The following RGS6 variants were observed in gnomAD, a reference collection of about 807,000 sequenced individuals.
The protein encoded by RGS6 is regulator of G-protein signaling 6.
Under a neutral mutation model 78.5 loss-of-function variants are expected in RGS6, and 30 were observed. That is an observed-to-expected ratio of 0.38 (90% CI 0.29 to 0.52). RGS6 has a LOEUF of 0.52. RGS6 is among the 20% of genes least tolerant of loss of function. The pLI is 0.85. For synonymous variants in RGS6, 206 were observed against 206.0 expected, an observed-to-expected ratio of 1.00 and a Z score of 0.00; for missense variants, 495 against 609.7, an observed-to-expected ratio of 0.81 and a Z score of 1.98.
At chr14:72,077,631 C>T in intron 2 of RGS6, among the ~76,000 whole-genome samples, 1 of 152,018 alleles carries the variant, frequency 6.6e-6, no homozygotes, top group East Asian at 1.9e-4. Context: ...ATCTGCCTGT[C>T]TTTTTTTTGT....
intron 3 of RGS6, among the ~76,000 whole-genome samples, chr14:72,412,052 G>C (rs2093456973): frequency 6.6e-6 from 1 of 152,116 alleles, no homozygotes; most frequent in Non-Finnish European, 1.5e-5. Context: ...TCTCTGCCAG[G>C]CTTTGGTATC....
chr14:71,939,348 G>A (rs893608647), intron 1 of RGS6, among the ~76,000 whole-genome samples: 4 of 152,224 alleles, frequency 2.6e-5, no homozygotes, highest in South Asian at 2.1e-4. Flanking sequence ...GCTTGCAAAT[G>A]TCTCACCAGT....
intron 1 of RGS6, among the ~76,000 whole-genome samples, chr14:71,961,687 C>T (rs546896189): frequency 6.6e-6 from 1 of 152,242 alleles, no homozygotes; most frequent in Admixed American, 6.5e-5. Flanking sequence ...AGCTGTGAGT[C>T]CATATAGGAA....
At chr14:72,235,838 T>C (rs1419230428) in intron 2 of RGS6, among the ~76,000 whole-genome samples, 1 of 152,250 alleles carries the variant, frequency 6.6e-6, no homozygotes, top group Admixed American at 6.5e-5. Context: ...GGCTTTAACA[T>C]AGAAATACAT....
chr14:72,123,864 C>G (rs947325039), intron 2 of RGS6, among the ~76,000 whole-genome samples: 2 of 152,026 alleles, frequency 1.3e-5, no homozygotes, highest in African/African-American at 4.8e-5. Flanking sequence ...ATGGAAATGC[C>G]CTCCACTTGA....
At chr14:71,880,218 G>A in the RGS6 span, among the ~76,000 whole-genome samples, 1 of 152,234 alleles carries the variant, frequency 6.6e-6, no homozygotes, top group Non-Finnish European at 1.5e-5. Context: ...CTTGGGTGCT[G>A]TTAAAGGCAT....
At chr14:72,503,506 C>T (rs547734222) in intron 13 of RGS6, among the ~76,000 whole-genome samples, 1 of 145,868 alleles carries the variant, frequency 6.9e-6, no homozygotes, top group East Asian at 2.3e-4. Context: ...CTTGTGAAAC[C>T]AAACAAGTTA....
chr14:72,430,531 C>T (rs1402358648), intron 3 of RGS6, among the ~76,000 whole-genome samples: 1 of 152,196 alleles, frequency 6.6e-6, no homozygotes, highest in East Asian at 1.9e-4. Context: ...GGCTGCACAA[C>T]AGCTTGGGAT....
chr14:72,219,918 C>G lies in RGS6; in HGVS notation c.85-132177C>G, dbSNP rs143504277. Among the ~76,000 whole-genome samples, 178 of 152,032 alleles carry G rather than the reference C, an allele frequency of 1.2e-3. 1 individual carries two copies. Among genetic ancestry groups the G allele is most frequent in the African/African-American group, 4.2e-3 (173 of 41,450 alleles). On this transcript the variant is annotated intron_variant, in intron 2 of 17. Coordinates refer to ENST00000553525, the MANE Select transcript of RGS6 (RefSeq NM_001204424.2). ...TCCAGACGAACATTCCTCAGTTGTT[C>G]CAAATAGGAAGAGAGGAAATCAACC...
chr14:72,243,776 A>G (rs1357104966), intron 2 of RGS6, among the ~76,000 whole-genome samples: 1 of 149,286 alleles, frequency 6.7e-6, no homozygotes. Flanking sequence ...TCTTGTCTTT[A>G]TAACCCTGTA....
intron 3 of RGS6, among the ~76,000 whole-genome samples, chr14:72,388,948 C>CATT (rs60459735): frequency 0.017 from 2,598 of 150,056 alleles, 74 homozygotes; most frequent in African/African-American, 0.063. Context: ...AAGTGATTCC[C>CATT]ATTATTAGTA....
At chr14:72,527,615 C>T (rs540212284) in intron 15 of RGS6, among the ~76,000 whole-genome samples, 1 of 152,354 alleles carries the variant, frequency 6.6e-6, no homozygotes, top group East Asian at 1.9e-4. Flanking sequence ...CAAATCATCC[C>T]TTGCAAGGAC....
chr14:71,956,339 G>GTC (rs2092786047), intron 1 of RGS6, among the ~76,000 whole-genome samples: 1 of 42,090 alleles, frequency 2.4e-5, no homozygotes, highest in Non-Finnish European at 4.5e-5. Flanking sequence ...TAGTGTGTGT[G>GTC]TGTGTGTGTG....
intron 2 of RGS6, among the ~76,000 whole-genome samples, chr14:72,030,056 G>T (rs891901800): frequency 1.3e-5 from 2 of 152,116 alleles, no homozygotes; most frequent in African/African-American, 4.8e-5. Context: ...TAAGATCTTC[G>T]CATTGTCTGG....
intron 2 of RGS6, among the ~76,000 whole-genome samples, chr14:72,070,794 A>G (rs1459128601): frequency 2.0e-5 from 3 of 152,356 alleles, no homozygotes; most frequent in East Asian, 3.9e-4. Context: ...GAGTTAAACA[A>G]GTGGCCCAAG....
At chr14:72,056,406 G>T (rs79578154) in intron 2 of RGS6, among the ~76,000 whole-genome samples, 19 of 152,110 alleles carry the variant, frequency 1.2e-4, no homozygotes, top group Admixed American at 2.6e-4. Flanking sequence ...TCAAAAAACA[G>T]CCTTTAATCT....
intron 16 of RGS6, chr14:72,537,434 C>T: frequency 2.8e-6 from 2 of 701,850 alleles, no homozygotes; most frequent in East Asian, 2.7e-5. Flanking sequence ...GGAAAGAGGC[C>T]ATGGAGTCTG....
At chr14:72,149,767 T>C (rs970311695) in intron 2 of RGS6, among the ~76,000 whole-genome samples, 4 of 152,142 alleles carry the variant, frequency 2.6e-5, no homozygotes, top group African/African-American at 9.7e-5. Flanking sequence ...AGTCTACAGA[T>C]TTGGGGTCAT....
chr14:71,884,318 A>G, the RGS6 span, among the ~76,000 whole-genome samples: 3 of 152,250 alleles, frequency 2.0e-5, no homozygotes, highest in Admixed American at 6.5e-5. Flanking sequence ...GTCCAGCCAG[A>G]GAAATACAAA....
Sources: gnomAD v4.1 joint callset for allele counts (sites outside exome capture counted in the v4.1 genomes callset) on GRCh38, gnomAD v4.1.1 for gene constraint, MANE v1.5 for transcripts, NCBI Gene and HGNC (gene_info 2026-07-23, HGNC 2026-07-21) for gene names.